ZDHHC13: variants seen among roughly 807,000 people sequenced by gnomAD.
The protein encoded by ZDHHC13 is zDHHC palmitoyltransferase 13.
In ZDHHC13, 85 loss-of-function variants were observed where a neutral mutation model predicts 86.0. That is an observed-to-expected ratio of 0.99 (90% confidence interval 0.83 to 1.18). The LOEUF is 1.18. Ranked by LOEUF, ZDHHC13 falls within the 50% of genes most tolerant of loss-of-function variation. ZDHHC13 has a pLI of 0.00. For missense variants in ZDHHC13, 711 were observed against 730.2 expected, an observed-to-expected ratio of 0.97 and a Z score of 0.30; for synonymous variants, 263 against 246.4, an observed-to-expected ratio of 1.07 and a Z score of -0.63.
chr11:19,121,877 C>A (rs1280757739), intron 1 of ZDHHC13, among the ~76,000 whole-genome samples: 2 of 152,150 alleles, frequency 1.3e-5, no homozygotes, highest in Non-Finnish European at 2.9e-5. Flanking sequence ...TGATTCACCA[C>A]TATCATACAG....
At chr11:19,122,982 T>C (rs1848788656) in intron 1 of ZDHHC13, among the ~76,000 whole-genome samples, 1 of 152,196 alleles carries the variant, frequency 6.6e-6, no homozygotes, top group Non-Finnish European at 1.5e-5. Flanking sequence ...ATCTTCTGTT[T>C]TCTAGTTTCT....
intron 3 of ZDHHC13, among the ~76,000 whole-genome samples, chr11:19,146,935 A>G (rs1452569989): frequency 6.6e-6 from 1 of 152,158 alleles, no homozygotes; most frequent in African/African-American, 2.4e-5. Context: ...CTCACAGGCA[A>G]ACTCCTCTTC....
At chr11:19,146,376 G>A (rs1590074970) in intron 3 of ZDHHC13, 73 bp downstream of exon 3, 1 of 1,530,430 alleles carries the variant, frequency 6.5e-7, no homozygotes, top group East Asian at 2.3e-5. Flanking sequence ...TTTTCTTTAA[G>A]TATGGGTATT....
At chr11:19,117,134 G>C (rs987531036), upstream of ZDHHC13, 1 of 1,144,072 alleles carries the variant, frequency 8.7e-7, no homozygotes, top group African/African-American at 1.5e-5. The surrounding 1 kb of genome is among the most constrained non-coding windows in gnomAD (Gnocchi z 4.2). Context: ...GGACCGCAGC[G>C]GCGGAGGTGA....
chr11:19,138,486 A>C (rs1849212773), intron 1 of ZDHHC13, among the ~76,000 whole-genome samples: 1 of 151,754 alleles, frequency 6.6e-6, no homozygotes, highest in Non-Finnish European at 1.5e-5. Flanking sequence ...CCAGAGGTAC[A>C]AGGAGGAACT....
rs377651190 is a variant in ZDHHC13, at chr11:19,175,957, A to G, written c.1866A>G (p.Val622=). The G allele has an allele frequency of 8.8e-6, 14 of 1,599,832 alleles. No homozygotes were observed. Among genetic ancestry groups the G allele is most frequent in the East Asian group, 4.5e-5 (2 of 44,652 alleles). Residue 622 remains valine (V), a synonymous_variant, in exon 17 of 17, where the codon GTA becomes GTG. Coordinates refer to ENST00000446113, the MANE Select transcript of ZDHHC13 (RefSeq NM_019028.3). ...CCAGGGAGAAGGTTCTTCGCTCAGT[A>G]TGAAGAAAAGCAACCCAAAACTCTC... is the stretch of plus-strand genomic sequence containing the variant. ...HPAREKVLRS[V] is the part of the protein sequence containing the mutation.
intron 5 of ZDHHC13, 70 bp downstream of exon 5, chr11:19,149,401 A>G (rs890489293): frequency 7.3e-7 from 1 of 1,361,408 alleles, no homozygotes; most frequent in South Asian, 1.8e-5. Flanking sequence ...TATTAGTAGT[A>G]GTCTCTTCTC....
chr11:19,161,589 G>C (rs929626013), intron 10 of ZDHHC13, among the ~76,000 whole-genome samples: 5 of 151,772 alleles, frequency 3.3e-5, no homozygotes, highest in African/African-American at 1.2e-4. Context: ...GCTTGTGCGA[G>C]GGGGGATTGA....
chr11:19,128,340 G>T (rs1241893929), intron 1 of ZDHHC13, among the ~76,000 whole-genome samples: 1 of 152,150 alleles, frequency 6.6e-6, no homozygotes, highest in South Asian at 2.1e-4. Flanking sequence ...TGCTGAAGGA[G>T]CTCTTGGGCC....
In ZDHHC13 at chr11:19,175,938, A is replaced by T. The variant is rs1328616611; in HGVS notation, c.1847A>T (p.Glu616Val). Residue 616 changes from glutamate (E) to valine (V), a missense_variant, in exon 17 of 17, where the codon GAG (glutamate) becomes GTG (valine). Coordinates refer to ENST00000446113, the MANE Select transcript of ZDHHC13 (RefSeq NM_019028.3). The stretch of plus-strand genomic sequence containing the variant: ...ACCATGGTCTTTCACCCAGCCAGGG[A>T]GAAGGTTCTTCGCTCAGTATGAAGA... ...QYTMVFHPAR[E>V]KVLRSV The T allele has an allele frequency of 6.2e-7, 1 of 1,610,732 alleles. No homozygotes were observed.
intron 10 of ZDHHC13, among the ~76,000 whole-genome samples, chr11:19,161,485 C>A (rs1022505965): frequency 1.3e-5 from 2 of 151,814 alleles, no homozygotes; most frequent in African/African-American, 4.9e-5. Context: ...TGGAAGGCTG[C>A]ATGTTTAAAC....
intron 1 of ZDHHC13, among the ~76,000 whole-genome samples, chr11:19,141,195 A>T (rs1356894335): frequency 1.3e-5 from 2 of 152,124 alleles, no homozygotes; most frequent in Non-Finnish European, 2.9e-5. Flanking sequence ...ATCTATTTCT[A>T]CTTGGAAATC....
rs139088196 is a variant in ZDHHC13 at position 19,130,192 on chromosome 11, T to C, written c.28-12786T>C. Among the ~76,000 whole-genome samples, 1,044 of 152,330 alleles carry C rather than the reference T, an allele frequency of 6.9e-3. 9 individuals carry two copies. The highest frequency in any genetic ancestry group is 0.024 in the African/African-American group (985 of 41,584). On this transcript the variant is annotated intron_variant, in intron 1 of 16. Coordinates refer to ENST00000446113, the MANE Select transcript of ZDHHC13 (RefSeq NM_019028.3). Reference sequence around the variant, plus strand: ...GGGTTAACTAATTAAGTTATAGGGGTCTGAAATTTTTTATGAGAAAGATTT... The same window carrying C: ...GGGTTAACTAATTAAGTTATAGGGGCCTGAAATTTTTTATGAGAAAGATTT...
chr11:19,135,049 T>C (rs1033511602), intron 1 of ZDHHC13, among the ~76,000 whole-genome samples: 1 of 151,768 alleles, frequency 6.6e-6, no homozygotes, highest in Non-Finnish European at 1.5e-5. Flanking sequence ...AAATACATCT[T>C]TTAAAAAAAG....
intron 1 of ZDHHC13, among the ~76,000 whole-genome samples, chr11:19,123,032 G>A (rs11604483): frequency 0.59 from 89,780 of 152,012 alleles, 28,072 homozygotes; most frequent in Admixed American, 0.7. Context: ...CATATTGCCT[G>A]CTATTATTAT....
intron 14 of ZDHHC13, chr11:19,167,951 C>T (rs2133474156): frequency 6.6e-6 from 1 of 152,202 alleles, no homozygotes; most frequent in South Asian, 2.1e-4. Context: ...ATAGCTGAGA[C>T]TACAGGTGCC....
At position 19,143,053 on chromosome 11, in the gene ZDHHC13, C is replaced by T. The variant is rs759437411; in HGVS notation, c.103C>T (p.Leu35Phe). Residue 35 changes from leucine to phenylalanine, a missense_variant, in exon 2 of 17, where the codon CTT becomes TTT. Transcript: ENST00000446113. ...YGICAHENKE[L>F]ANAREALPLI... is the part of the protein sequence containing the mutation. ...CATCTGTGCACATGAAAACAAAGAA[C>T]TTGCCAATGCAAGAGAAGCTCTTCC... The T allele has an allele frequency of 1.2e-5, 19 of 1,613,092 alleles. No individual in the cohort carries two copies. The highest frequency in any genetic ancestry group is 5.3e-5 in the African/African-American group (4 of 74,920).
chr11:19,153,943 G>T (rs545361876), intron 8 of ZDHHC13, among the ~76,000 whole-genome samples: 1 of 151,528 alleles, frequency 6.6e-6, no homozygotes, highest in Admixed American at 6.6e-5. Context: ...TCCAGAATCT[G>T]ACCCCTTCTT....
At chr11:19,130,928 C>T (rs997599379) in intron 1 of ZDHHC13, among the ~76,000 whole-genome samples, 6 of 152,060 alleles carry the variant, frequency 3.9e-5, no homozygotes, top group Admixed American at 6.6e-5. Flanking sequence ...TCACTGCAAC[C>T]TCCGCCTCCT....
Sources: gnomAD v4.1 joint callset for allele counts (sites outside exome capture counted in the v4.1 genomes callset) on GRCh38, gnomAD v4.1.1 for gene constraint, Gnocchi (gnomAD v3.1) non-coding constraint, MANE v1.5 for transcripts, NCBI Gene and HGNC (gene_info 2026-07-23, HGNC 2026-07-21) for gene names.